ST18: variants seen among roughly 807,000 people sequenced by gnomAD.
ST18 encodes suppression of tumorigenicity 18 protein.
In ST18, 50 loss-of-function variants were observed where a neutral mutation model predicts 110.0. The observed-to-expected ratio is 0.45, with a 90% confidence interval of 0.36 to 0.58. ST18 has a LOEUF of 0.58. ST18 is among the 20% of genes least tolerant of loss of function. The pLI is 0.00. For missense variants in ST18, 1,306 were observed against 1,280.1 expected (o/e 1.02, Z -0.31); for synonymous variants, 461 against 452.4 (o/e 1.02, Z -0.24).
intron 2 of ST18, among the ~76,000 whole-genome samples, chr8:52,326,567 C>T (rs1018118906): frequency 3.9e-5 from 6 of 152,138 alleles, no homozygotes; most frequent in African/African-American, 9.7e-5. Flanking sequence ...TATAAATCCA[C>T]AACAGAAGGC....
chr8:52,144,668 T>G (rs1426014937), intron 16 of ST18, among the ~76,000 whole-genome samples: 2 of 152,156 alleles, frequency 1.3e-5, no homozygotes, highest in African/African-American at 4.8e-5. Context: ...CATTTTGTTT[T>G]ACTGGTAAAT....
intron 22 of ST18, among the ~76,000 whole-genome samples, chr8:52,128,157 C>T (rs1249301029): frequency 1.3e-4 from 20 of 152,204 alleles, no homozygotes; most frequent in Middle Eastern, 3.4e-3. Flanking sequence ...TTAGTAGAGA[C>T]GGGGTTTCAC....
chr8:52,402,918 C>T (rs1342031968), intron 2 of ST18, among the ~76,000 whole-genome samples: 1 of 152,154 alleles, frequency 6.6e-6, no homozygotes, highest in Non-Finnish European at 1.5e-5. Flanking sequence ...GGTGTGGCTG[C>T]TCTGCTGGGC....
chr8:52,270,420 T>C (rs2138877826), intron 2 of ST18, among the ~76,000 whole-genome samples: 1 of 152,288 alleles, frequency 6.6e-6, no homozygotes, highest in South Asian at 2.1e-4. Context: ...CTTTTTCCCT[T>C]TTGTGTGTGT....
At chr8:52,130,578 C>A (rs1235923159) in intron 22 of ST18, among the ~76,000 whole-genome samples, 1 of 152,204 alleles carries the variant, frequency 6.6e-6, no homozygotes, top group Non-Finnish European at 1.5e-5. Flanking sequence ...CAGAGATCCT[C>A]CGGGCATAAG....
chr8:52,212,184 C>T, intron 7 of ST18, 75 bp from the exon 8 acceptor site: 1 of 1,438,668 alleles, frequency 7.0e-7, no homozygotes, highest in Non-Finnish European at 9.5e-7. Context: ...GAAACTTTTC[C>T]CCCACCTAGA....
intron 2 of ST18, among the ~76,000 whole-genome samples, chr8:52,268,507 C>T (rs1564373894): frequency 6.9e-6 from 1 of 144,418 alleles, no homozygotes; most frequent in African/African-American, 2.8e-5. Context: ...ATCTATCTAT[C>T]TATTTATCTA....
intron 2 of ST18, among the ~76,000 whole-genome samples, chr8:52,254,893 C>T (rs889098045): frequency 6.6e-6 from 1 of 152,142 alleles, no homozygotes; most frequent in African/African-American, 2.4e-5. Flanking sequence ...TAATTCCTCC[C>T]TGTAGGCCTT....
At position 52,314,205 on chromosome 8, in the gene ST18, C is replaced by T. The variant is rs544314578; in HGVS notation, c.-464-84128G>A. Reference sequence around the variant, plus strand: ...TTCCTTGGCCTTAACTCCCAGGAAACCTCCAACACTCCTAATTGAGAACCT... The same window carrying T: ...TTCCTTGGCCTTAACTCCCAGGAAATCTCCAACACTCCTAATTGAGAACCT... On this transcript the variant is annotated intron_variant, in intron 2 of 25. Coordinates refer to ENST00000689386, the MANE Select transcript of ST18 (RefSeq NM_001352837.2). Among the ~76,000 whole-genome samples, 5 of 152,288 alleles carry T rather than the reference C, an allele frequency of 3.3e-5. No individual in the cohort carries two copies. In the East Asian group the frequency reaches 9.7e-4, roughly 29 times the overall value.
At chr8:52,181,374 G>A (rs1016831974) in intron 8 of ST18, among the ~76,000 whole-genome samples, 7 of 152,114 alleles carry the variant, frequency 4.6e-5, no homozygotes, top group African/African-American at 1.7e-4. Context: ...GTGCCTATTC[G>A]TGAAAATGAT....
rs781756622 is a variant in ST18 at position 52,132,139 on chromosome 8, C to CTGA, written c.2482_2484dup (p.Ser828dup). ...GCTGTGCGGTGTGATGTGTATTTAC[C>CTGA]TGATATGTGACCTTGGCCATCACAC... On this transcript the variant is annotated inframe_insertion, in exon 22 of 26. Transcript: ENST00000689386. 41 of 1,613,778 alleles carry CTGA rather than the reference C, an allele frequency of 2.5e-5. No individual in the cohort carries two copies. Among genetic ancestry groups the CTGA allele is most frequent in the Non-Finnish European group, 3.2e-5 (38 of 1,180,018 alleles).
At position 52,134,923 on chromosome 8, in the gene ST18, C is replaced by T. The variant is rs567853914; in HGVS notation, c.2301-1622G>A. On this transcript the variant is annotated intron_variant, in intron 19 of 25. Transcript: ENST00000689386. Reference sequence around the variant, plus strand: ...AAGAAATTTTCTTGTATGGAAAAAACATATCTATGGAAAAAACCAAAGACA... The same window carrying T: ...AAGAAATTTTCTTGTATGGAAAAAATATATCTATGGAAAAAACCAAAGACA... 4.0e-3 allele frequency among the ~76,000 whole-genome samples: 607 copies of T among 152,222 alleles called. 2 individuals carry two copies. Among genetic ancestry groups the T allele is most frequent in the South Asian group, 0.025 (118 of 4,810 alleles).
At chr8:52,208,678 T>C (rs149985142) in intron 8 of ST18, among the ~76,000 whole-genome samples, 2 of 152,048 alleles carry the variant, frequency 1.3e-5, no homozygotes, top group South Asian at 4.2e-4. Context: ...TACAAAAAAT[T>C]AGCCGGGCGT....
intron 2 of ST18, among the ~76,000 whole-genome samples, chr8:52,381,839 T>C (rs1181039836): frequency 6.6e-6 from 1 of 152,128 alleles, no homozygotes; most frequent in Non-Finnish European, 1.5e-5. Context: ...CTGGAAACAC[T>C]GTATTTGAAG....
intron 2 of ST18, among the ~76,000 whole-genome samples, chr8:52,396,689 A>G (rs527366761): frequency 5.3e-5 from 8 of 152,274 alleles, no homozygotes; most frequent in Admixed American, 2.0e-4. Context: ...ATAAAAAACC[A>G]TCAGATCTCA....
rs769022936 is a variant in ST18 at position 52,132,198 on chromosome 8, C to T, written c.2445-19G>A. ...AGGACATCTAGAGAGAAAGCAGAGA[C>T]ATTACCAGCCAGGAAGAAGGCAGTG... On this transcript the variant is annotated intron_variant, in intron 21 of 25. Transcript: ENST00000689386. The T allele has an allele frequency of 1.4e-5, 23 of 1,593,836 alleles. No individual in the cohort carries two copies. The highest frequency in any genetic ancestry group is 1.9e-5 in the Non-Finnish European group (22 of 1,169,510).
chr8:52,243,814 G>A (rs1366372622), intron 2 of ST18, among the ~76,000 whole-genome samples: 1 of 152,080 alleles, frequency 6.6e-6, no homozygotes, highest in African/African-American at 2.4e-5. Flanking sequence ...GCCAAACCCT[G>A]ACATATTTCT....
intron 2 of ST18, among the ~76,000 whole-genome samples, chr8:52,365,029 G>A (rs1027633713): frequency 2.0e-5 from 3 of 151,838 alleles, no homozygotes; most frequent in African/African-American, 4.8e-5. Flanking sequence ...CAGGATAATC[G>A]CTTGAACCTC....
chr8:52,287,797 C>A (rs1414407832), intron 2 of ST18, among the ~76,000 whole-genome samples: 1 of 152,164 alleles, frequency 6.6e-6, no homozygotes, highest in East Asian at 1.9e-4. Flanking sequence ...TTTAAAAATG[C>A]AGTTACATAT....
Sources: gnomAD v4.1 joint callset for allele counts (sites outside exome capture counted in the v4.1 genomes callset) on GRCh38, gnomAD v4.1.1 for gene constraint, MANE v1.5 for transcripts, NCBI Gene and HGNC (gene_info 2026-07-23, HGNC 2026-07-21) for gene names.